Variants in NCOR2 observed in about 807,000 individuals in gnomAD.
The protein encoded by NCOR2 is CTG repeat protein 26.
A neutral mutation model predicts 262.9 loss-of-function variants in NCOR2; 81 were observed. That is an observed-to-expected ratio of 0.31 (90% confidence interval 0.26 to 0.37). The LOEUF (loss-of-function observed/expected upper bound fraction) is 0.37, where lower values mean the gene tolerates loss of function less well. NCOR2 is among the 10% of genes least tolerant of loss of function. The pLI is 1.00. For missense variants in NCOR2, 3,385 were observed against 3,621.4 expected, an observed-to-expected ratio of 0.93 and a Z score of 1.68; for synonymous variants, 1,659 against 1,559.3, an observed-to-expected ratio of 1.06 and a Z score of -1.51.
chr12:124,445,429 C>A (rs1460105630), intron 7 of NCOR2, among the ~76,000 whole-genome samples: 1 of 152,220 alleles, frequency 6.6e-6, no homozygotes, highest in Non-Finnish European at 1.5e-5. Flanking sequence ...GCGGAGGCGG[C>A]TACGGGCGAC....
chr12:124,518,514 G>C (rs1209661108), intron 1 of NCOR2, among the ~76,000 whole-genome samples: 1 of 152,254 alleles, frequency 6.6e-6, no homozygotes, highest in Non-Finnish European at 1.5e-5. Flanking sequence ...CCCCACGGCT[G>C]GGCCGTGAAC....
chr12:124,460,628 C>T (rs1353642306), intron 5 of NCOR2, among the ~76,000 whole-genome samples: 1 of 152,216 alleles, frequency 6.6e-6, no homozygotes, highest in Non-Finnish European at 1.5e-5. Flanking sequence ...GCTCTCCAAG[C>T]CACAATCAGG....
chr12:124,348,484 C>G, intron 28 of NCOR2, 170 bp from the exon 31 acceptor site: 1 of 871,248 alleles, frequency 1.1e-6, no homozygotes, highest in Non-Finnish European at 1.7e-6. Context: ...CCTGCAGGCC[C>G]TGGGGGCCTG....
At chr12:124,331,072 T>TG (rs975451318) in intron 43 of NCOR2, among the ~76,000 whole-genome samples, 174 bp from the exon 46 acceptor site, 2 of 151,314 alleles carry the variant, frequency 1.3e-5, no homozygotes, top group Admixed American at 1.3e-4. Flanking sequence ...TCTTTTTTTT[T>TG]TTTTTTTTGA....
chr12:124,356,535 C>T, intron 23 of NCOR2, 107 bp downstream of exon 25: 1 of 1,034,960 alleles, frequency 9.7e-7, no homozygotes, highest in Non-Finnish European at 1.3e-6. Context: ...AGCCAGGTCC[C>T]ATAAGGCTTT....
intron 13 of NCOR2, 85 bp from the exon 16 acceptor site, chr12:124,402,646 G>A (rs1242496021): frequency 3.0e-5 from 46 of 1,532,800 alleles, no homozygotes; most frequent in Non-Finnish European, 4.0e-5. Flanking sequence ...GGCTCAGCCT[G>A]AGCTGGGGGA....
At chr12:124,455,933 T>C (rs2045824187) in intron 6 of NCOR2, among the ~76,000 whole-genome samples, 1 of 152,210 alleles carries the variant, frequency 6.6e-6, no homozygotes, top group Non-Finnish European at 1.5e-5. Context: ...TGGAGTGCAG[T>C]GGTGTGATCA....
At chr12:124,343,513 C>T (rs1263993) in intron 32 of NCOR2, among the ~76,000 whole-genome samples, 75,691 of 152,022 alleles carry the variant, frequency 0.5, 20,470 homozygotes, top group Non-Finnish European at 0.61. Context: ...CCCCAGTGAA[C>T]GAAACAGAAA....
At chr12:124,372,141 C>T in exon 20 of NCOR2, 1 of 1,601,724 alleles carries the variant, frequency 6.2e-7, no homozygotes, top group Non-Finnish European at 8.5e-7. Flanking sequence ...TCCCGCCCTC[C>T]TTCTTCTCTG....
intron 1 of NCOR2, among the ~76,000 whole-genome samples, chr12:124,563,556 G>A (rs1409496381): frequency 5.3e-5 from 8 of 152,270 alleles, no homozygotes; most frequent in South Asian, 4.1e-4. Context: ...CACAGTACCC[G>A]AGGGCAACGC....
Position 124,325,661 on chromosome 12 carries a change from G to A in NCOR2, c.7364-78C>T, listed in dbSNP as rs745355949. The A allele has an allele frequency of 6.8e-4, 669 of 985,720 alleles. 1 individual carries two copies. Among genetic ancestry groups the A allele is most frequent in the Non-Finnish European group, 8.3e-4 (619 of 745,948 alleles). 61.1% of individuals were successfully genotyped at this position (985,720 alleles called of 1,614,324 possible). On this transcript the variant is annotated intron_variant, in intron 46 of 46. Coordinates refer to ENST00000405201, the Ensembl canonical transcript of NCOR2. The stretch of plus-strand genomic sequence containing the variant: ...CTGCTGGCCGCCTGCCCACCACACC[G>A]GGAACAGAGGCCTCAGCGTTTCTGT...
chr12:124,535,435 C>G (rs1390061499), intron 1 of NCOR2, 130 bp downstream of exon 2: 2 of 152,388 alleles, frequency 1.3e-5, no homozygotes, highest in Admixed American at 1.3e-4. Flanking sequence ...ACCCCACACG[C>G]CCCCCGAGGC....
rs1452446470 is a variant in NCOR2, at chr12:124,543,928, C to A, written c.-164-8317G>T. 2.0e-5 allele frequency among the ~76,000 whole-genome samples: 3 copies of A among 152,210 alleles called. No individual in the cohort carries two copies. In the East Asian group the frequency reaches 5.8e-4, roughly 29 times the overall value. On this transcript the variant is annotated intron_variant, in intron 1 of 32. Transcript: ENST00000458234. ...TCGCTGCCTCCGCACAATGCTAAGC[C>A]CCTTACGATGATTAACTCGTTTAAT...
At position 124,548,438 on chromosome 12, in the gene NCOR2, C is replaced by T. The variant is rs1208405600; in HGVS notation, c.-164-12827G>A. ...TGTGACCAGAGTGGACTGGGGACCC[C>T]GAAGAGGCTACTGCAGTCGTCCAAG... On this transcript the variant is annotated intron_variant, in intron 1 of 32. Coordinates refer to the NCOR2 transcript ENST00000458234. This position sits in a 1 kb window ranked among gnomAD's most constrained non-coding sequence, Gnocchi z 5.1. Among the ~76,000 whole-genome samples the T allele has an allele frequency of 3.9e-5, 6 of 152,040 alleles. No homozygotes were observed. Among genetic ancestry groups the T allele is most frequent in the South Asian group, 2.1e-4 (1 of 4,804 alleles).
intron 13 of NCOR2, among the ~76,000 whole-genome samples, chr12:124,416,174 A>T (rs1037361394): frequency 6.6e-6 from 1 of 152,238 alleles, no homozygotes; most frequent in East Asian, 1.9e-4. Flanking sequence ...CCAGACACGA[A>T]GGCAAGTGTG....
At chr12:124,375,758 G>A (rs2039942600) in intron 18 of NCOR2, among the ~76,000 whole-genome samples, 1 of 152,186 alleles carries the variant, frequency 6.6e-6, no homozygotes, top group South Asian at 2.1e-4. Context: ...GAACAGCATG[G>A]CTTCATTCAC....
rs866839603 is a variant in NCOR2, at chr12:124,433,879, C to A, written c.883-3092G>T. On this transcript the variant is annotated intron_variant, in intron 8 of 46. Transcript: ENST00000405201. ...ACACACACACACACACACACACACA[C>A]ACACACACACACACACACACGCACA... Among the ~76,000 whole-genome samples the A allele has an allele frequency of 1.1e-3, 116 of 103,248 alleles. 1 individual carries two copies. Among genetic ancestry groups the A allele is most frequent in the South Asian group, 1.8e-3 (6 of 3,274 alleles). 67.7% of individuals were successfully genotyped at this position (103,248 alleles called of 152,430 possible).
intron 1 of NCOR2, among the ~76,000 whole-genome samples, chr12:124,522,281 G>A (rs1452582948): frequency 6.6e-6 from 1 of 152,268 alleles, no homozygotes; most frequent in Admixed American, 6.5e-5. Context: ...GTTCACAACT[G>A]TATTCGTTTC....
chr12:124,431,397 CAG>C (rs1020685251), intron 8 of NCOR2, among the ~76,000 whole-genome samples: 1 of 150,416 alleles, frequency 6.6e-6, no homozygotes, highest in Non-Finnish European at 1.5e-5. Context: ...GACACACAGA[CAG>C]ATACACAGGC....
Sources: gnomAD v4.1 joint callset for allele counts (sites outside exome capture counted in the v4.1 genomes callset) on GRCh38, gnomAD v4.1.1 for gene constraint, Gnocchi (gnomAD v3.1) non-coding constraint, MANE v1.5 for transcripts, NCBI Gene and HGNC (gene_info 2026-07-23, HGNC 2026-07-21) for gene names.